The following CSTL1 variants were observed in gnomAD, a reference collection of about 807,000 sequenced individuals.
CSTL1 encodes cystatin like 1.
A neutral mutation model predicts 14.4 loss-of-function variants in CSTL1; 14 were observed. That is an observed-to-expected ratio of 0.97 (90% CI 0.64 to 1.52). The LOEUF is 1.52. CSTL1 is among the 40% of genes most tolerant of loss of function. CSTL1 has a pLI of 0.00. For missense variants in CSTL1, 170 were observed against 168.7 expected (o/e 1.01, Z -0.04); for synonymous variants, 72 against 67.5 (o/e 1.07, Z -0.33).
chr20:23,452,784 G>A, the CSTL1 span: 3 of 1,614,042 alleles, frequency 1.9e-6, no homozygotes, highest in South Asian at 3.3e-5. Context: ...AACAGGAGCT[G>A]TAGGGCCTGC....
At chr20:23,443,817 C>T (rs1411493546) in intron 2 of CSTL1, 117 bp from the exon 3 acceptor site, 2 of 697,974 alleles carry the variant, frequency 2.9e-6, no homozygotes, top group Non-Finnish European at 2.5e-6. Flanking sequence ...GGTGGGTAAG[C>T]TCCGCGAACA....
At chr20:23,450,354 G>A in the CSTL1 span, 1 of 544,908 alleles carries the variant, frequency 1.8e-6, no homozygotes, top group East Asian at 3.0e-5. Context: ...ATTACTATGA[G>A]CTGAAGAATT....
chr20:23,443,064 A>G (rs80095028), intron 2 of CSTL1, among the ~76,000 whole-genome samples: 3,107 of 152,216 alleles, frequency 0.02, 109 homozygotes, highest in African/African-American at 0.071. Context: ...TGCGTTCTCC[A>G]TGGCTCGTGT....
chr20:23,451,938 G>T, the CSTL1 span: 183 of 1,586,646 alleles, frequency 1.2e-4, no homozygotes, highest in South Asian at 1.3e-3. Context: ...CGCCAGGCGT[G>T]GGGGAGGCAC....
At chr20:23,449,304 C>G (rs1987026534), downstream of CSTL1, among the ~76,000 whole-genome samples, 1 of 152,152 alleles carries the variant, frequency 6.6e-6, no homozygotes, top group African/African-American at 2.4e-5. Flanking sequence ...ATTCATGCCC[C>G]CTAAGAGCCA....
downstream of CSTL1, among the ~76,000 whole-genome samples, chr20:23,445,292 C>T (rs1459113694): frequency 8.8e-5 from 13 of 147,172 alleles, no homozygotes; most frequent in East Asian, 2.0e-4. Flanking sequence ...AGAGAAGTGG[C>T]GCAATCACTG....
At chr20:23,455,739 G>A in the CSTL1 span, among the ~76,000 whole-genome samples, 6 of 152,316 alleles carry the variant, frequency 3.9e-5, no homozygotes, top group South Asian at 1.2e-3. Flanking sequence ...CAAAGAAGCC[G>A]GGCCAGGAGG....
At chr20:23,449,083 A>G (rs561246083), downstream of CSTL1, among the ~76,000 whole-genome samples, 4 of 152,308 alleles carry the variant, frequency 2.6e-5, no homozygotes, top group South Asian at 6.2e-4. Flanking sequence ...TTCAAAGCCA[A>G]TCCCATCTTG....
the CSTL1 span, chr20:23,450,526 T>C: frequency 6.2e-7 from 1 of 1,611,960 alleles, no homozygotes; most frequent in Non-Finnish European, 8.5e-7. Flanking sequence ...CTGCAGCTTT[T>C]GTTCAAAATT....
At chr20:23,455,315 T>C in the CSTL1 span, among the ~76,000 whole-genome samples, 27 of 152,258 alleles carry the variant, frequency 1.8e-4, no homozygotes, top group African/African-American at 6.0e-4. Context: ...CACATACTAC[T>C]ACTAATTGAA....
intron 2 of CSTL1, among the ~76,000 whole-genome samples, chr20:23,441,181 G>A (rs966251307): frequency 5.3e-5 from 8 of 152,140 alleles, no homozygotes; most frequent in African/African-American, 1.9e-4. Context: ...TTCTCTGTAG[G>A]CCTGTAGCCC....
intron 2 of CSTL1, among the ~76,000 whole-genome samples, chr20:23,443,009 TC>T (rs1986871121): frequency 6.6e-6 from 1 of 152,136 alleles, no homozygotes; most frequent in African/African-American, 2.4e-5. Context: ...CTTCATGGCC[TC>T]ACACTTGATC....
At chr20:23,453,582 G>A in the CSTL1 span, among the ~76,000 whole-genome samples, 1 of 152,178 alleles carries the variant, frequency 6.6e-6, no homozygotes, top group Non-Finnish European at 1.5e-5. Context: ...GCCACTGGTG[G>A]GTGGAGGCTG....
At chr20:23,448,500 G>A (rs1233584181), downstream of CSTL1, among the ~76,000 whole-genome samples, 3 of 152,166 alleles carry the variant, frequency 2.0e-5, no homozygotes, top group East Asian at 5.8e-4. Context: ...TCCTAATTGT[G>A]ATATTTTTCT....
chr20:23,457,122 G>A, the CSTL1 span, among the ~76,000 whole-genome samples: 6 of 152,068 alleles, frequency 3.9e-5, 1 homozygote, highest in South Asian at 8.3e-4. Context: ...CTCTTGTCTC[G>A]GCCAGGACTG....
chr20:23,450,405 A>G, the CSTL1 span: 3 of 722,696 alleles, frequency 4.2e-6, no homozygotes, highest in Non-Finnish European at 6.8e-6. Context: ...TCACGATCTT[A>G]AGAGAATATG....
the CSTL1 span, among the ~76,000 whole-genome samples, chr20:23,451,412 G>A: frequency 2.6e-5 from 4 of 152,176 alleles, no homozygotes; most frequent in Non-Finnish European, 5.9e-5. Context: ...GATGAACATG[G>A]CTGGATGAAA....
rs142890966 is a variant in CSTL1 at position 23,442,842 on chromosome 20, C to T, written c.220-1092C>T. On this transcript the variant is annotated intron_variant, in intron 2 of 3. Transcript: ENST00000347397. ...CAACAGGGAGCTTCCCAGAGCTTCT[C>T]CTGCACCGGTGAAGATCCACTAATC... 1.1e-3 allele frequency among the ~76,000 whole-genome samples: 165 copies of T among 152,328 alleles called. 2 individuals carry two copies. The highest frequency in any genetic ancestry group is 3.7e-3 in the African/African-American group (153 of 41,578).
At chr20:23,460,378 G>C in the CSTL1 span, among the ~76,000 whole-genome samples, 1 of 152,208 alleles carries the variant, frequency 6.6e-6, no homozygotes, top group African/African-American at 2.4e-5. Flanking sequence ...TGGAATTTGT[G>C]TTGGTGGAAG....
Sources: allele counts gnomAD v4.1 joint callset (sites outside exome capture counted in the v4.1 genomes callset), GRCh38; gene constraint gnomAD v4.1.1; transcripts MANE v1.5; gene names NCBI Gene and HGNC (gene_info 2026-07-23, HGNC 2026-07-21).